The following IL18RAP variants were observed in gnomAD, a reference collection of about 807,000 sequenced individuals.
IL18RAP encodes interleukin 18 receptor accessory protein.
Under a neutral mutation model 58.1 loss-of-function variants are expected in IL18RAP, and 37 were observed. That is an observed-to-expected ratio of 0.64 (90% CI 0.49 to 0.84). The LOEUF (loss-of-function observed/expected upper bound fraction) is 0.84, where lower values mean the gene tolerates loss of function less well. IL18RAP is among the 40% of genes least tolerant of loss of function. IL18RAP has a pLI of 0.00. For missense variants in IL18RAP, 667 were observed against 704.8 expected (o/e 0.95, Z 0.61); for synonymous variants, 268 against 257.5 (o/e 1.04, Z -0.39).
At chr2:102,437,549 G>A (rs910789291) in intron 4 of IL18RAP, among the ~76,000 whole-genome samples, 187 bp downstream of exon 4, 2 of 152,182 alleles carry the variant, frequency 1.3e-5, no homozygotes, top group African/African-American at 4.8e-5. Context: ...TTCTGAAACA[G>A]TTTCAAATTC....
chr2:102,436,478 C>T (rs1438971130), intron 3 of IL18RAP, among the ~76,000 whole-genome samples: 2 of 152,194 alleles, frequency 1.3e-5, no homozygotes, highest in Non-Finnish European at 2.9e-5. Context: ...TCTGCCCCCA[C>T]CCTTAGTCTC....
In IL18RAP at chr2:102,443,288, C is replaced by T. The variant is rs1409090946; in HGVS notation, c.885C>T (p.Asp295=). Residue 295 remains aspartate (D), a synonymous_variant, in exon 6 of 10, where the codon GAC becomes GAT. Transcript: ENST00000687160. ...TAAAATGGTACATCAAAGATTCTGA[C>T]CTAGAGTGGGAAGTCTCAGTACCTG... ...PVIKWYIKDS[D]LEWEVSVPEA... is the part of the protein sequence containing the mutation. 1.2e-6 allele frequency: 2 copies of T among 1,613,650 alleles called. No individual in the cohort carries two copies. The highest frequency in any genetic ancestry group is 1.7e-5 in the Admixed American group (1 of 59,880).
At chr2:102,429,749 T>C (rs1682213115) in intron 3 of IL18RAP, among the ~76,000 whole-genome samples, 1 of 152,000 alleles carries the variant, frequency 6.6e-6, no homozygotes, top group African/African-American at 2.4e-5. Flanking sequence ...GCATCCCACA[T>C]GTTTTAGTAC....
upstream of IL18RAP, among the ~76,000 whole-genome samples, chr2:102,419,114 G>A (rs1681417442): frequency 1.3e-5 from 2 of 151,826 alleles, no homozygotes; most frequent in East Asian, 1.9e-4. Context: ...CCATATATAC[G>A]GAGTCTTCAC....
intron 3 of IL18RAP, among the ~76,000 whole-genome samples, chr2:102,424,653 A>G (rs1435722970): frequency 6.6e-6 from 1 of 152,216 alleles, no homozygotes; most frequent in Non-Finnish European, 1.5e-5. Context: ...AACTTCTAAA[A>G]TTCAAGTATA....
intron 5 of IL18RAP, among the ~76,000 whole-genome samples, chr2:102,442,828 G>A (rs1369804185): frequency 1.3e-5 from 2 of 152,018 alleles, no homozygotes; most frequent in Admixed American, 1.3e-4. Flanking sequence ...TTTTCTTTAT[G>A]GACACACCTT....
intron 8 of IL18RAP, among the ~76,000 whole-genome samples, chr2:102,447,472 A>G (rs2104381611): frequency 6.6e-6 from 1 of 152,284 alleles, no homozygotes. Context: ...GGCTGGAGAA[A>G]CAATTATTTT....
At position 102,423,266 on chromosome 2, in the gene IL18RAP, C is replaced by T; in HGVS notation, c.-12C>T. ...GAAGTTATTGGAGTGATGACAGGAA[C>T]ACGGGAGAACAATGCTCTGTTTGGG... On this transcript the variant is annotated 5_prime_UTR_variant, in exon 1 of 10. Transcript: ENST00000687160. The T allele has an allele frequency of 1.2e-6, 2 of 1,613,630 alleles. No individual in the cohort carries two copies. Among genetic ancestry groups the T allele is most frequent in the Admixed American group, 1.7e-5 (1 of 60,024 alleles).
intron 4 of IL18RAP, chr2:102,440,606 T>C (rs1683045159): frequency 6.6e-6 from 1 of 151,608 alleles, no homozygotes; most frequent in Non-Finnish European, 1.5e-5. Flanking sequence ...TAAATGTTGA[T>C]GAGAAGAAGC....
At position 102,427,980 on chromosome 2, in the gene IL18RAP, CTT is replaced by C. The variant is rs60743144; in HGVS notation, c.579+3580_579+3581del. On this transcript the variant is annotated intron_variant, in intron 3 of 9. Coordinates refer to ENST00000687160, the MANE Select transcript of IL18RAP (RefSeq NM_001393487.1). ...TTTCCCCATTGTGTGTTCTTGGCAT[CTT>C]TTTTTTTTTTTTTAATTTATTGACC... Among the ~76,000 whole-genome samples the C allele has an allele frequency of 2.5e-3, 351 of 141,558 alleles. 2 individuals are homozygous for C. Among genetic ancestry groups the C allele is most frequent in the South Asian group, 1.0e-2 (45 of 4,522 alleles). 92.9% of individuals were successfully genotyped at this position (141,558 alleles called of 152,430 possible).
At chr2:102,449,789 G>A (rs557425232) in intron 8 of IL18RAP, among the ~76,000 whole-genome samples, 104 of 152,098 alleles carry the variant, frequency 6.8e-4, no homozygotes, top group Non-Finnish European at 1.4e-3. Flanking sequence ...AAGGAATAGA[G>A]GCAACTGTGG....
chr2:102,445,592 C>T (rs1319435930), intron 7 of IL18RAP, among the ~76,000 whole-genome samples: 3 of 152,220 alleles, frequency 2.0e-5, no homozygotes, highest in African/African-American at 7.2e-5. Context: ...GTTGGAAAAG[C>T]AACTCATTCA....
Position 102,441,482 on chromosome 2 carries a change from G to T in IL18RAP, c.796+105G>T, listed in dbSNP as rs184111381. ...GGGATTTCCAGTCAAACAGAATTGGGTGTGAATCTTAACTCAGCCATTGAC... is the reference window on the plus strand; with the variant it reads ...GGGATTTCCAGTCAAACAGAATTGGTTGTGAATCTTAACTCAGCCATTGAC... On this transcript the variant is annotated intron_variant, in intron 5 of 9. Transcript: ENST00000687160. The T allele has an allele frequency of 1.2e-3, 1,074 of 869,684 alleles. 14 individuals are homozygous for T. The African/African-American group carries it at 0.016, about 13-fold the overall frequency. 53.9% of individuals were successfully genotyped at this position (869,684 alleles called of 1,614,324 possible). A position where few individuals can be genotyped will look rare whatever the true frequency, so the allele number is the denominator to read the frequency against.
chr2:102,438,427 A>G (rs1206933841), intron 4 of IL18RAP, among the ~76,000 whole-genome samples: 3 of 152,212 alleles, frequency 2.0e-5, no homozygotes, highest in African/African-American at 7.2e-5. Flanking sequence ...GCACTTCAGA[A>G]TTATTTTATA....
At chr2:102,434,952 A>C (rs1211653577) in intron 3 of IL18RAP, 2 of 152,224 alleles carry the variant, frequency 1.3e-5, no homozygotes, top group Non-Finnish European at 2.9e-5. Flanking sequence ...AGAAATTGAC[A>C]TCTAGCCCAT....
chr2:102,432,970 A>T (rs1361526765), intron 3 of IL18RAP, among the ~76,000 whole-genome samples: 1 of 152,108 alleles, frequency 6.6e-6, no homozygotes, highest in Non-Finnish European at 1.5e-5. Flanking sequence ...GCATTTTATG[A>T]TCTTCAGCTA....
At position 102,423,886 on chromosome 2, in the gene IL18RAP, C is replaced by G; in HGVS notation, c.146C>G (p.Pro49Arg). The change falls in exon 2 of 10, where the codon CCA becomes CGA. Residue 49 changes from proline to arginine, a missense_variant. By Grantham distance (103) the Pro-to-Arg change is moderately radical. Transcript: ENST00000687160. Reference protein sequence around the residue: ...EEEFVLFCDLPEPQKSHFCHR... With the variant: ...EEEFVLFCDLREPQKSHFCHR... ...GAATTTGTCTTATTTTGTGATTTAC[C>G]AGAGCCACAGAAATCACATTTCTGC... 6.2e-7 allele frequency: 1 copy of G among 1,613,772 alleles called. No homozygotes were observed. The highest frequency in any genetic ancestry group is 8.5e-7 in the Non-Finnish European group (1 of 1,179,868).
At chr2:102,449,081 A>G (rs1388754254) in intron 8 of IL18RAP, among the ~76,000 whole-genome samples, 2 of 151,096 alleles carry the variant, frequency 1.3e-5, no homozygotes, top group Non-Finnish European at 2.9e-5. Flanking sequence ...CAGCCTGGCC[A>G]ACACGGTGCA....
At chr2:102,448,811 G>A (rs1351202634) in intron 8 of IL18RAP, among the ~76,000 whole-genome samples, 1 of 151,856 alleles carries the variant, frequency 6.6e-6, no homozygotes, top group Non-Finnish European at 1.5e-5. Flanking sequence ...ATTTTTTAAT[G>A]TTAGCTGGGC....
Sources: gnomAD v4.1 joint callset for allele counts (sites outside exome capture counted in the v4.1 genomes callset) on GRCh38, gnomAD v4.1.1 for gene constraint, MANE v1.5 for transcripts, NCBI Gene and HGNC (gene_info 2026-07-23, HGNC 2026-07-21) for gene names.